The following CFAP61 variants were observed in gnomAD, a reference collection of about 807,000 sequenced individuals.
The protein encoded by CFAP61 is cilia- and flagella-associated protein 61.
CFAP61 carries 107 observed loss-of-function variants against 135.6 expected under a neutral mutation model. That is an observed-to-expected ratio of 0.79 (90% CI 0.67 to 0.93). The LOEUF is 0.93. Among genes scored for constraint, CFAP61 ranks in the 40% least tolerant of loss-of-function variants. The pLI, the probability that CFAP61 is intolerant of heterozygous loss-of-function variation, is 0.00. For missense variants in CFAP61, 1,507 were observed against 1,556.2 expected (o/e 0.97, Z 0.53); for synonymous variants, 575 against 578.5 (o/e 0.99, Z 0.09).
chr20:20,178,722 C>T (rs890193277), intron 13 of CFAP61, among the ~76,000 whole-genome samples: 2 of 152,046 alleles, frequency 1.3e-5, no homozygotes, highest in African/African-American at 4.8e-5. Context: ...GTGAGTGGCT[C>T]ACACAGAAAA....
At chr20:20,224,023 T>C (rs1383861253) in intron 17 of CFAP61, among the ~76,000 whole-genome samples, 1 of 152,210 alleles carries the variant, frequency 6.6e-6, no homozygotes, top group Non-Finnish European at 1.5e-5. Context: ...ATCTATTCTT[T>C]TACCACTTAC....
chr20:20,073,969 G>A (rs898264414), intron 3 of CFAP61: 1 of 274,500 alleles, frequency 3.6e-6, no homozygotes, highest in Non-Finnish European at 7.0e-6. Context: ...CACCCCTGAG[G>A]ACAAGACTAC....
chr20:20,159,914 T>A (rs2053253699), intron 10 of CFAP61, among the ~76,000 whole-genome samples: 1 of 152,224 alleles, frequency 6.6e-6, no homozygotes, highest in Non-Finnish European at 1.5e-5. Context: ...CCAAGGGGCA[T>A]AGCATCTTCC....
At chr20:20,286,659 T>C (rs2054608676) in intron 22 of CFAP61, among the ~76,000 whole-genome samples, 1 of 152,246 alleles carries the variant, frequency 6.6e-6, no homozygotes, top group African/African-American at 2.4e-5. Flanking sequence ...CAGAAGCACA[T>C]AGGTTGTATT....
At chr20:20,206,939 G>A (rs2056882246) in intron 17 of CFAP61, among the ~76,000 whole-genome samples, 1 of 152,166 alleles carries the variant, frequency 6.6e-6, no homozygotes, top group Admixed American at 6.5e-5. Flanking sequence ...AATTGATGAA[G>A]TGCTGGTCAA....
At chr20:20,056,509 G>A in intron 1 of CFAP61, 109 bp from the exon 2 acceptor site, 2 of 737,294 alleles carry the variant, frequency 2.7e-6, no homozygotes, top group East Asian at 5.3e-5. Context: ...GGGAAAACGT[G>A]TCACACCAGT....
At chr20:20,223,347 A>C (rs1181517621) in intron 17 of CFAP61, among the ~76,000 whole-genome samples, 5 of 152,166 alleles carry the variant, frequency 3.3e-5, no homozygotes, top group Non-Finnish European at 7.4e-5. Context: ...CCAGTGGCAA[A>C]ATTAAGAAAA....
At chr20:20,334,047 C>A (rs1395390245) in intron 25 of CFAP61, among the ~76,000 whole-genome samples, 3 of 152,184 alleles carry the variant, frequency 2.0e-5, no homozygotes, top group African/African-American at 7.2e-5. Context: ...GAAAGCCTTG[C>A]AAAGCAGTGC....
rs570001071 is a variant in CFAP61 at position 20,297,895 on chromosome 20, G to A, written c.3217-286G>A. On this transcript the variant is annotated intron_variant, in intron 24 of 26. Transcript: ENST00000245957. Reference sequence around the variant, plus strand: ...AAACCCAGTTCCACTTATTAGCTGGGTGTGCAGTATTAATAAAGGGTTGGT... The same window carrying A: ...AAACCCAGTTCCACTTATTAGCTGGATGTGCAGTATTAATAAAGGGTTGGT... 9.8e-5 allele frequency among the ~76,000 whole-genome samples: 15 copies of A among 152,346 alleles called. No homozygotes were observed. The South Asian group carries it at 3.1e-3, about 32-fold the overall frequency.
chr20:20,054,151 A>G (rs980452569), intron 1 of CFAP61, among the ~76,000 whole-genome samples: 9 of 145,568 alleles, frequency 6.2e-5, no homozygotes, highest in Non-Finnish European at 1.2e-4. Flanking sequence ...TTCTGATTTT[A>G]TTCTTCTCAG....
At chr20:20,258,374 A>C (rs929219275) in intron 20 of CFAP61, 2 of 152,186 alleles carry the variant, frequency 1.3e-5, no homozygotes, top group Non-Finnish European at 1.5e-5. Flanking sequence ...TGGTTGTATC[A>C]GAGGATGGCC....
chr20:20,268,981 TTGTTA>T (rs1423814402), intron 21 of CFAP61, among the ~76,000 whole-genome samples: 1 of 151,850 alleles, frequency 6.6e-6, no homozygotes, highest in African/African-American at 2.4e-5. Context: ...AACAGAGGCT[TTGTTA>T]TGTTATATCT....
At chr20:20,286,745 A>C (rs1264182555) in intron 22 of CFAP61, among the ~76,000 whole-genome samples, 3 of 152,210 alleles carry the variant, frequency 2.0e-5, no homozygotes, top group Non-Finnish European at 2.9e-5. Flanking sequence ...ACTCCAGTCT[A>C]CAAACTCCTA....
chr20:20,268,936 AG>A (rs1442274734), intron 21 of CFAP61, among the ~76,000 whole-genome samples: 1 of 151,990 alleles, frequency 6.6e-6, no homozygotes, highest in Non-Finnish European at 1.5e-5. Flanking sequence ...TTGTAGGAAA[AG>A]TATAACATTA....
At chr20:20,288,239 AGAGGATG>A (rs1161317571) in intron 22 of CFAP61, among the ~76,000 whole-genome samples, 1 of 152,188 alleles carries the variant, frequency 6.6e-6, no homozygotes, top group East Asian at 1.9e-4. Flanking sequence ...AGGAAGGGGA[AGAGGATG>A]GAGGCTGCGC....
At chr20:20,057,531 A>G (rs1332704789) in intron 2 of CFAP61, among the ~76,000 whole-genome samples, 2 of 152,208 alleles carry the variant, frequency 1.3e-5, no homozygotes, top group Non-Finnish European at 2.9e-5. Context: ...AGGCTGGCGC[A>G]GGGTCAAACA....
At chr20:20,129,710 C>G (rs2146716729) in intron 8 of CFAP61, among the ~76,000 whole-genome samples, 1 of 149,658 alleles carries the variant, frequency 6.7e-6, no homozygotes, top group South Asian at 2.1e-4. Flanking sequence ...AGGTAATTTT[C>G]TGTATCTTAT....
intron 19 of CFAP61, among the ~76,000 whole-genome samples, chr20:20,247,300 A>C (rs1307636627): frequency 1.3e-5 from 2 of 152,228 alleles, no homozygotes; most frequent in East Asian, 1.9e-4. Context: ...CAGCGTAGTG[A>C]AAGTTTCCCT....
At chr20:20,079,582 G>A (rs1373094998) in intron 6 of CFAP61, among the ~76,000 whole-genome samples, 6 of 152,170 alleles carry the variant, frequency 3.9e-5, no homozygotes, top group Admixed American at 2.0e-4. Context: ...TCCTATCCAC[G>A]TGGAGCATTT....
Sources: gnomAD v4.1 joint callset for allele counts (sites outside exome capture counted in the v4.1 genomes callset) on GRCh38, gnomAD v4.1.1 for gene constraint, MANE v1.5 for transcripts, NCBI Gene and HGNC (gene_info 2026-07-23, HGNC 2026-07-21) for gene names.